Variants in SEL1L3 observed in about 807,000 individuals in gnomAD.
SEL1L3 encodes SEL1L family member 3, also known as protein sel-1 homolog 3.
Under a neutral mutation model 142.8 loss-of-function variants are expected in SEL1L3, and 76 were observed. The observed-to-expected ratio is 0.53, with a 90% CI of 0.44 to 0.64. The LOEUF (loss-of-function observed/expected upper bound fraction) is 0.64, where lower values mean the gene tolerates loss of function less well. Among genes scored for constraint, SEL1L3 ranks in the 30% least tolerant of loss-of-function variants. The pLI is 0.00. For synonymous variants in SEL1L3, 504 were observed against 519.6 expected (o/e 0.97, Z 0.41); for missense variants, 1,262 against 1,381.7 (o/e 0.91, Z 1.37).
intron 11 of SEL1L3, among the ~76,000 whole-genome samples, chr4:25,794,900 CT>C: frequency 6.6e-6 from 1 of 152,226 alleles, no homozygotes; most frequent in Non-Finnish European, 1.5e-5. Flanking sequence ...ATCATGTCCT[CT>C]GAAGGGACAT....
chr4:25,779,189 T>C lies in SEL1L3; in HGVS notation c.2472A>G (p.Glu824=). The C allele has an allele frequency of 6.2e-6, 10 of 1,613,374 alleles. No homozygotes were observed. Among genetic ancestry groups the C allele is most frequent in the African/African-American group, 1.3e-5 (1 of 75,012 alleles). ...VPGRNQTLAG[E]YFHKAAQGGH... ...CACCTTGCGCAGCCTTATGGAAATA[T>C]TCACCAGCTAAAGTCTGTAACAAGA... The change falls in exon 16 of 24, where the codon GAA becomes GAG. Residue 824 remains glutamate (E), a synonymous_variant. Coordinates refer to ENST00000399878, the MANE Select transcript of SEL1L3 (RefSeq NM_015187.5).
At chr4:25,777,198 G>A (rs1719695688) in intron 16 of SEL1L3, among the ~76,000 whole-genome samples, 1 of 152,008 alleles carries the variant, frequency 6.6e-6, no homozygotes, top group Non-Finnish European at 1.5e-5. Context: ...ATAACTATAT[G>A]ATCATCAGAA....
In SEL1L3 at chr4:25,829,596, C is replaced by G. The variant is rs1218304886; in HGVS notation, c.1157+502G>C. 2.0e-5 allele frequency among the ~76,000 whole-genome samples: 3 copies of G among 152,146 alleles called. No individual in the cohort carries two copies. The South Asian group carries it at 6.2e-4, about 32-fold the overall frequency. On this transcript the variant is annotated intron_variant, in intron 6 of 23. Transcript: ENST00000399878. ...TGAAACACAGGCAGGAAACTCAGTTCTTAGTTTCTGTAACTCTTGTAGAGA... is the reference window on the plus strand; with the variant it reads ...TGAAACACAGGCAGGAAACTCAGTTGTTAGTTTCTGTAACTCTTGTAGAGA...
chr4:25,809,099 A>G (rs952956725), intron 9 of SEL1L3, among the ~76,000 whole-genome samples: 5 of 146,306 alleles, frequency 3.4e-5, no homozygotes, highest in South Asian at 2.2e-4. Context: ...GCCTATTTGT[A>G]TCTTTCTATG....
intron 15 of SEL1L3, among the ~76,000 whole-genome samples, chr4:25,780,797 A>AAT (rs1719941673): frequency 1.4e-5 from 2 of 138,964 alleles, no homozygotes; most frequent in African/African-American, 5.4e-5. Context: ...ACATAAATAA[A>AAT]ATATATATAA....
At position 25,752,420 on chromosome 4, in the gene SEL1L3, A is replaced by G. The variant is rs76836722; in HGVS notation, c.3260-3856T>C. ...CAATAGGGTGAGACTCCATCTCCGA[A>G]AAAAAAAAAAAAAAAAAAGTTGAAT... On this transcript the variant is annotated intron_variant, in intron 23 of 23. Coordinates refer to ENST00000399878, the MANE Select transcript of SEL1L3 (RefSeq NM_015187.5). Among the ~76,000 whole-genome samples, 6 of 59,966 alleles carry G rather than the reference A, an allele frequency of 1.0e-4. No homozygotes were observed. In the East Asian group the frequency reaches 9.8e-3, roughly 98 times the overall value. The allele number at this position is 59,966 out of a possible 152,430, so 39.3% of individuals were successfully genotyped here.
In SEL1L3 at chr4:25,806,620, T is replaced by C. The variant is rs565731967; in HGVS notation, c.1565-1868A>G. Among the ~76,000 whole-genome samples, 16 of 152,250 alleles carry C rather than the reference T, an allele frequency of 1.1e-4. No individual in the cohort carries two copies. The South Asian group carries it at 3.3e-3, about 32-fold the overall frequency. On this transcript the variant is annotated intron_variant, in intron 9 of 23. Transcript: ENST00000399878. ...TGAGATGGGGACACTGTGCCTGTGCTGGCAGACCCTGAGCTGTGGGGAAGG... is the reference window on the plus strand; with the variant it reads ...TGAGATGGGGACACTGTGCCTGTGCCGGCAGACCCTGAGCTGTGGGGAAGG...
chr4:25,720,626 T>C, the SEL1L3 span: 2 of 152,278 alleles, frequency 1.3e-5, no homozygotes, highest in East Asian at 1.9e-4. Flanking sequence ...AAGTGGAATT[T>C]TAATTGGCAG....
At chr4:25,767,696 C>G in intron 18 of SEL1L3, 44 bp downstream of exon 18, 1 of 1,485,378 alleles carries the variant, frequency 6.7e-7, no homozygotes, top group Non-Finnish European at 9.2e-7. Context: ...ATTCATTATC[C>G]TTAACCTCAG....
intron 1 of SEL1L3, among the ~76,000 whole-genome samples, chr4:25,850,872 T>A (rs11722573): frequency 0.79 from 119,134 of 150,766 alleles, 47,762 homozygotes; most frequent in African/African-American, 0.93. Context: ...TTTTTTTGAG[T>A]TGGAGTCTCA....
At position 25,788,272 on chromosome 4, in the gene SEL1L3, C is replaced by T. The variant is rs761847431; in HGVS notation, c.2169G>A (p.Glu723=). The T allele has an allele frequency of 6.8e-6, 11 of 1,613,874 alleles. No homozygotes were observed. The highest frequency in any genetic ancestry group is 3.3e-5 in the South Asian group (3 of 91,092). ...CATAGATTAACGCAGGATCCTCCGTCTCCAGGGCGCCCTTGGCGTACCACT... is the reference window on the plus strand; with the variant it reads ...CATAGATTAACGCAGGATCCTCCGTTTCCAGGGCGCCCTTGGCGTACCACT... ...AIEWYAKGAL[E]TEDPALIYDY... Residue 723 remains glutamate, a synonymous_variant, in exon 13 of 24, where the codon GAG becomes GAA. Coordinates refer to ENST00000399878, the MANE Select transcript of SEL1L3 (RefSeq NM_015187.5). This position sits in a 1 kb window ranked among gnomAD's most constrained non-coding sequence, Gnocchi z 5.3.
chr4:25,859,544 A>C (rs1457458882), intron 1 of SEL1L3, among the ~76,000 whole-genome samples: 1 of 152,192 alleles, frequency 6.6e-6, no homozygotes, highest in African/African-American at 2.4e-5. Context: ...GCTCCCTGTG[A>C]GGGCAGGTGC....
intron 6 of SEL1L3, 150 bp from the exon 7 acceptor site, chr4:25,822,278 G>A: frequency 1.2e-6 from 1 of 843,502 alleles, no homozygotes. Flanking sequence ...GTAGGGTCAG[G>A]TGGACTTCGG....
intron 1 of SEL1L3, among the ~76,000 whole-genome samples, chr4:25,856,593 T>TAAAAA (rs397765802): frequency 1.2e-4 from 14 of 117,078 alleles, no homozygotes; most frequent in Admixed American, 1.9e-4. Context: ...GTATTGTAAT[T>TAAAAA]AAAAAAAAAA....
chr4:25,776,179 G>A, intron 17 of SEL1L3, 98 bp downstream of exon 17: 1 of 708,648 alleles, frequency 1.4e-6, no homozygotes, highest in Non-Finnish European at 2.5e-6. Context: ...TGATTTCCCT[G>A]CAAATTGCTT....
chr4:25,790,349 A>G (rs1457689449), intron 12 of SEL1L3, 106 bp downstream of exon 12: 2 of 1,081,686 alleles, frequency 1.8e-6, no homozygotes, highest in Non-Finnish European at 2.8e-6. Context: ...TGAGAAATAA[A>G]CTGGCATTAT....
chr4:25,814,887 C>T (rs1238621445), intron 9 of SEL1L3, among the ~76,000 whole-genome samples: 1 of 151,942 alleles, frequency 6.6e-6, no homozygotes, highest in Non-Finnish European at 1.5e-5. Context: ...TTATGATAGC[C>T]CCAAGCAAGG....
the SEL1L3 span, among the ~76,000 whole-genome samples, chr4:25,714,606 C>T: frequency 3.5e-5 from 5 of 142,394 alleles, no homozygotes; most frequent in Non-Finnish European, 6.0e-5. Flanking sequence ...GAGTCTTGCT[C>T]TCTCACCCAG....
chr4:25,823,052 A>G (rs568081087), intron 6 of SEL1L3, among the ~76,000 whole-genome samples: 1 of 152,344 alleles, frequency 6.6e-6, no homozygotes, highest in East Asian at 1.9e-4. Flanking sequence ...ATATTTGCAT[A>G]AAGAAACTCT....
Sources: gnomAD v4.1 joint callset for allele counts (sites outside exome capture counted in the v4.1 genomes callset) on GRCh38, gnomAD v4.1.1 for gene constraint, Gnocchi (gnomAD v3.1) non-coding constraint, MANE v1.5 for transcripts, NCBI Gene and HGNC (gene_info 2026-07-23, HGNC 2026-07-21) for gene names.